ZBTB43: variants seen among roughly 807,000 people sequenced by gnomAD.
ZBTB43 encodes zinc finger and BTB domain containing 43, also known as zinc finger and BTB domain-containing protein 43.
In ZBTB43, 6 loss-of-function variants were observed where a neutral mutation model predicts 31.1. That is an observed-to-expected ratio of 0.19 (90% CI 0.11 to 0.38). The LOEUF (loss-of-function observed/expected upper bound fraction) is 0.38, where lower values mean the gene tolerates loss of function less well. Ranked by LOEUF, ZBTB43 falls within the 10% of genes least tolerant of loss-of-function variation. The pLI is 1.00. For synonymous variants in ZBTB43, 212 were observed against 221.7 expected (o/e 0.96, Z 0.39); for missense variants, 379 against 602.1 (o/e 0.63, Z 3.88).
At chr9:126,825,271 A>G (rs1025564395) in intron 2 of ZBTB43, among the ~76,000 whole-genome samples, 1 of 151,458 alleles carries the variant, frequency 6.6e-6, no homozygotes, top group Admixed American at 6.6e-5. Context: ...TCTTTCTGCT[A>G]CTCAACTGGA....
At chr9:126,818,898 C>T (rs1306296412) in intron 2 of ZBTB43, among the ~76,000 whole-genome samples, 2 of 152,138 alleles carry the variant, frequency 1.3e-5, no homozygotes, top group Non-Finnish European at 2.9e-5. Flanking sequence ...AGTGGTCCCT[C>T]CCCTTCAGTG....
intron 2 of ZBTB43, among the ~76,000 whole-genome samples, chr9:126,811,643 T>G (rs931402737): frequency 6.6e-6 from 1 of 152,240 alleles, no homozygotes; most frequent in African/African-American, 2.4e-5. Context: ...TCTATTTTTT[T>G]GGGATGGAGT....
upstream of ZBTB43, among the ~76,000 whole-genome samples, chr9:126,804,813 C>G (rs996517696): frequency 6.6e-6 from 1 of 152,230 alleles, no homozygotes; most frequent in Non-Finnish European, 1.5e-5. Context: ...AGGTTTAGAA[C>G]TCAGTATCTG....
At chr9:126,822,011 C>G (rs2032523284) in intron 2 of ZBTB43, among the ~76,000 whole-genome samples, 1 of 152,142 alleles carries the variant, frequency 6.6e-6, no homozygotes, top group African/African-American at 2.4e-5. Flanking sequence ...CGCCCACCAC[C>G]ACACCCAGCT....
Position 126,833,152 on chromosome 9 carries a change from G to A in ZBTB43, c.643G>A (p.Gly215Arg). ...GAGCACGGAAATGGCAAGCCAGGAT[G>A]GGGAGGAGGGCGCCAGCGACAGCGC... ...RLSTEMASQDGEEGASDSAEF... is the reference protein window; with the variant it reads ...RLSTEMASQDREEGASDSAEF... The change falls in exon 3 of 3, where the codon GGG (glycine) becomes AGG (arginine). Residue 215 changes from glycine (G) to arginine (R), a missense_variant. This residue lies in a region of ZBTB43 where 253 missense variants were observed against 322.3 expected (regional missense o/e 0.79). Transcript: ENST00000373464. The surrounding 1 kb of genome is among the most constrained non-coding windows in gnomAD (Gnocchi z 7.9). The A allele has an allele frequency of 6.2e-7, 1 of 1,613,922 alleles. No homozygotes were observed. The highest frequency in any genetic ancestry group is 8.5e-7 in the Non-Finnish European group (1 of 1,180,028).
At chr9:126,819,279 A>ATTTTTTTT (rs71377975) in intron 2 of ZBTB43, among the ~76,000 whole-genome samples, 3 of 100,188 alleles carry the variant, frequency 3.0e-5, no homozygotes, top group Non-Finnish European at 3.9e-5. Flanking sequence ...CGGATATTGC[A>ATTTTTTTT]TTTTTTTTTT....
intron 2 of ZBTB43, among the ~76,000 whole-genome samples, chr9:126,821,839 A>G (rs1335551145): frequency 1.3e-5 from 2 of 152,124 alleles, no homozygotes; most frequent in African/African-American, 4.8e-5. Flanking sequence ...CCCAACACAA[A>G]TTCATAACCT....
At chr9:126,805,906 C>T (rs1395011959) in intron 1 of ZBTB43, among the ~76,000 whole-genome samples, 3 of 152,196 alleles carry the variant, frequency 2.0e-5, no homozygotes, top group South Asian at 2.1e-4. Context: ...TGGAAGGTGA[C>T]TCATGACCCC....
At position 126,834,449 on chromosome 9, in the gene ZBTB43, A is replaced by G. The variant is rs2032836114; in HGVS notation, c.*536A>G. On this transcript the variant is annotated 3_prime_UTR_variant, in exon 3 of 3. Transcript: ENST00000373464. The stretch of plus-strand genomic sequence containing the variant: ...TCTGTTGTCTGGTTTTAGTCTTTCT[A>G]AAGGATATTTTAACTAAAACTATGG... The G allele has an allele frequency of 6.0e-6, 1 of 167,372 alleles. No homozygotes were observed. Among genetic ancestry groups the G allele is most frequent in the Non-Finnish European group, 1.5e-5 (1 of 68,362 alleles). The allele number at this position is 167,372 out of a possible 1,614,324, so 10.4% of individuals were successfully genotyped here.
chr9:126,828,753 A>G (rs1035978643), intron 2 of ZBTB43, among the ~76,000 whole-genome samples: 4 of 151,350 alleles, frequency 2.6e-5, no homozygotes, highest in African/African-American at 9.7e-5. Flanking sequence ...TACTTATTTT[A>G]TGTAAATTTC....
intron 2 of ZBTB43, among the ~76,000 whole-genome samples, chr9:126,815,214 C>T (rs1423461249): frequency 9.1e-6 from 1 of 109,724 alleles, no homozygotes; most frequent in African/African-American, 3.4e-5. Context: ...ATATATAAAA[C>T]TATATATATA....
rs181054668 is a variant in ZBTB43, at chr9:126,819,025, T to A, written c.-24+10110T>A. ...TTATTGAGTCAATGTCCTTGATAGTTATAGGTCTTTAAGGGTATTGTTTAA... is the reference window on the plus strand; with the variant it reads ...TTATTGAGTCAATGTCCTTGATAGTAATAGGTCTTTAAGGGTATTGTTTAA... On this transcript the variant is annotated intron_variant, in intron 2 of 2. Transcript: ENST00000373464. Among the ~76,000 whole-genome samples the A allele has an allele frequency of 2.3e-3, 345 of 152,324 alleles. 3 individuals carry two copies. The highest frequency in any genetic ancestry group is 7.3e-3 in the African/African-American group (302 of 41,576).
intron 1 of ZBTB43, among the ~76,000 whole-genome samples, chr9:126,808,538 G>A (rs2032176311): frequency 6.6e-6 from 1 of 152,154 alleles, no homozygotes; most frequent in Non-Finnish European, 1.5e-5. Context: ...CACAGTAATG[G>A]ATGAGAGGTA....
At chr9:126,812,515 A>AT (rs1251786139) in intron 2 of ZBTB43, among the ~76,000 whole-genome samples, 1 of 152,166 alleles carries the variant, frequency 6.6e-6, no homozygotes, top group Non-Finnish European at 1.5e-5. Flanking sequence ...TAGCTGTACC[A>AT]TTTTACATGC....
intron 2 of ZBTB43, among the ~76,000 whole-genome samples, chr9:126,815,720 T>C (rs2032371999): frequency 6.6e-6 from 1 of 151,882 alleles, no homozygotes; most frequent in African/African-American, 2.4e-5. Context: ...TCCTCTACTT[T>C]CTTGAAAATA....
At chr9:126,828,654 A>ATTATTATTATTATTATT (rs1554742745) in intron 2 of ZBTB43, among the ~76,000 whole-genome samples, 13 of 127,726 alleles carry the variant, frequency 1.0e-4, no homozygotes, top group African/African-American at 3.4e-4. Context: ...TAATAATAAT[A>ATTATTATTATTATTATT]ATTATTATTA....
chr9:126,822,645 C>T (rs2032540217), intron 2 of ZBTB43, among the ~76,000 whole-genome samples: 1 of 152,146 alleles, frequency 6.6e-6, no homozygotes, highest in Admixed American at 6.6e-5. Context: ...GAGGCTGAGG[C>T]AGGAGAATTG....
chr9:126,824,655 GT>G (rs1269748792), intron 2 of ZBTB43, among the ~76,000 whole-genome samples: 1 of 152,224 alleles, frequency 6.6e-6, no homozygotes, highest in African/African-American at 2.4e-5. Flanking sequence ...GTTAATTTTA[GT>G]GAGGATCTCT....
At position 126,837,364 on chromosome 9, in the gene ZBTB43, T is replaced by C. The variant is rs1364014733; in HGVS notation, c.*3451T>C. 3 of 167,078 alleles carry C rather than the reference T, an allele frequency of 1.8e-5. No homozygotes were observed. The allele number at this position is 167,078 out of a possible 1,614,324, so 10.3% of individuals were successfully genotyped here. On this transcript the variant is annotated 3_prime_UTR_variant, in exon 3 of 3. Coordinates refer to ENST00000373464, the MANE Select transcript of ZBTB43 (RefSeq NM_014007.4). ...GGGATCCCCTCCATTCTAGTGGGCA[T>C]TTGCTGAACTAACCTGCCCCTAAGG...
Sources: allele counts gnomAD v4.1 joint callset (sites outside exome capture counted in the v4.1 genomes callset), GRCh38; gene constraint gnomAD v4.1.1; regional missense constraint gnomAD v4.1.1; non-coding constraint Gnocchi (gnomAD v3.1); transcripts MANE v1.5; gene names NCBI Gene and HGNC (gene_info 2026-07-23, HGNC 2026-07-21).